LAMA1: variants seen among roughly 807,000 people sequenced by gnomAD.
LAMA1 encodes the protein laminin subunit alpha-1.
In LAMA1, 219 loss-of-function variants were observed where a neutral mutation model predicts 348.7. That is an observed-to-expected ratio of 0.63 (90% CI 0.56 to 0.70). The LOEUF (loss-of-function observed/expected upper bound fraction) is 0.70. Ranked by LOEUF, LAMA1 falls within the 30% of genes least tolerant of loss-of-function variation. LAMA1 has a pLI of 0.00. For synonymous variants in LAMA1, 1,487 were observed against 1,491.0 expected (o/e 1.00, Z 0.06); for missense variants, 3,744 against 3,888.0 (o/e 0.96, Z 0.99).
At chr18:7,037,455 T>C in intron 12 of LAMA1, 123 bp downstream of exon 12, 1 of 1,060,484 alleles carries the variant, frequency 9.4e-7, no homozygotes, top group Non-Finnish European at 1.5e-6. Flanking sequence ...GTACAGGCTA[T>C]GAAATGCTGT....
At chr18:7,039,855 T>C (rs1246144188) in intron 10 of LAMA1, among the ~76,000 whole-genome samples, 1 of 152,068 alleles carries the variant, frequency 6.6e-6, no homozygotes, top group East Asian at 1.9e-4. Context: ...CTGGAATATA[T>C]CACCATTACC....
At chr18:7,101,677 T>C (rs2058291752) in intron 1 of LAMA1, among the ~76,000 whole-genome samples, 1 of 152,152 alleles carries the variant, frequency 6.6e-6, no homozygotes, top group African/African-American at 2.4e-5. Context: ...ATTTATATTT[T>C]TATTTTTAGA....
At position 7,042,845 on chromosome 18, in the gene LAMA1, T is replaced by C. The variant is rs973957463; in HGVS notation, c.1155+382A>G. On this transcript the variant is annotated intron_variant, in intron 8 of 62. Coordinates refer to ENST00000389658, the MANE Select transcript of LAMA1 (RefSeq NM_005559.4). ...TTGCAGTGAGCCGAGATCGCACCAC[T>C]GCACTCCAGCCTGGCGACAGAGCGA... 2.6e-5 allele frequency: 6 copies of C among 230,316 alleles called. No individual in the cohort carries two copies. In the Admixed American group the frequency reaches 3.2e-4, roughly 12 times the overall value. The allele number at this position is 230,316 out of a possible 1,614,324, so 14.3% of individuals were successfully genotyped here.
At chr18:6,946,212 C>A (rs2057520766) in intron 61 of LAMA1, among the ~76,000 whole-genome samples, 1 of 151,962 alleles carries the variant, frequency 6.6e-6, no homozygotes, top group Admixed American at 6.6e-5. Flanking sequence ...TGTTGATATG[C>A]ACAACCACCC....
At chr18:6,948,218 C>G (rs1231865535) in intron 60 of LAMA1, among the ~76,000 whole-genome samples, 185 bp downstream of exon 60, 1 of 152,146 alleles carries the variant, frequency 6.6e-6, no homozygotes, top group Non-Finnish European at 1.5e-5. Context: ...GTCAGGCCAT[C>G]CAGATAGCAC....
chr18:7,063,782 T>C (rs1268494478), intron 3 of LAMA1, among the ~76,000 whole-genome samples: 1 of 152,172 alleles, frequency 6.6e-6, no homozygotes, highest in Non-Finnish European at 1.5e-5. Flanking sequence ...ATTCCACTTA[T>C]GTAAGCTTGA....
intron 3 of LAMA1, among the ~76,000 whole-genome samples, chr18:7,055,409 C>T (rs901844524): frequency 3.5e-5 from 5 of 144,214 alleles, no homozygotes; most frequent in African/African-American, 1.3e-4. Flanking sequence ...GCCAAGATCG[C>T]ACCACTGCAC....
At chr18:7,001,381 G>A (rs1476286216) in intron 30 of LAMA1, among the ~76,000 whole-genome samples, 3 of 152,112 alleles carry the variant, frequency 2.0e-5, no homozygotes. Flanking sequence ...ACACATGCAA[G>A]TATTTCTATA....
At chr18:7,074,967 CAAAAAAAAAAAAAAAAAAAAAA>C (rs773818069) in intron 3 of LAMA1, among the ~76,000 whole-genome samples, 6 of 52,258 alleles carry the variant, frequency 1.1e-4, no homozygotes, top group African/African-American at 2.9e-4. Flanking sequence ...TACATAGAGG[CAAAAAAAAAAAAAAAAAAAAAA>C]AAAAAAAAAA....
At chr18:7,014,451 G>A (rs188062461) in intron 22 of LAMA1, among the ~76,000 whole-genome samples, 57 of 152,126 alleles carry the variant, frequency 3.7e-4, no homozygotes, top group African/African-American at 9.6e-4. Context: ...TGAGACCCCC[G>A]TCTCTACAAA....
intron 49 of LAMA1, 47 bp from the exon 50 acceptor site, chr18:6,965,479 G>A (rs776260823): frequency 1.2e-6 from 2 of 1,608,588 alleles, no homozygotes; most frequent in Non-Finnish European, 1.7e-6. Flanking sequence ...TTTATCCCAG[G>A]TTTCCCTTTC....
At chr18:7,009,551 T>C (rs963599877) in intron 26 of LAMA1, among the ~76,000 whole-genome samples, 185 bp from the exon 27 acceptor site, 5 of 152,120 alleles carry the variant, frequency 3.3e-5, no homozygotes, top group Non-Finnish European at 7.4e-5. Context: ...AGTTCCATTA[T>C]CAATAGATAT....
chr18:7,068,120 T>C (rs1449373397), intron 3 of LAMA1, among the ~76,000 whole-genome samples: 2 of 152,206 alleles, frequency 1.3e-5, no homozygotes, highest in Non-Finnish European at 2.9e-5. Context: ...CCCAAAGTGC[T>C]GGGATTACAG....
chr18:6,983,626 C>A (rs1467715650), intron 39 of LAMA1, among the ~76,000 whole-genome samples: 6 of 152,214 alleles, frequency 3.9e-5, no homozygotes, highest in Non-Finnish European at 7.3e-5. Context: ...TACTTGGTAA[C>A]CTCCAAGAAG....
intron 34 of LAMA1, among the ~76,000 whole-genome samples, chr18:6,994,607 G>A (rs1318410567): frequency 6.6e-6 from 1 of 151,874 alleles, no homozygotes; most frequent in African/African-American, 2.4e-5. Flanking sequence ...GGTGATGTTT[G>A]TGTATGTGTG....
intron 59 of LAMA1, 114 bp downstream of exon 59, chr18:6,948,987 G>A: frequency 7.4e-7 from 1 of 1,355,900 alleles, no homozygotes; most frequent in Non-Finnish European, 1.0e-6. Context: ...CTCTTCACAA[G>A]CCCCAGGTTC....
chr18:6,967,153 T>C (rs915183843), intron 48 of LAMA1, among the ~76,000 whole-genome samples: 6 of 152,102 alleles, frequency 3.9e-5, no homozygotes, highest in African/African-American at 1.2e-4. Context: ...TTTCCATGGA[T>C]GATAAAAGAA....
intron 19 of LAMA1, among the ~76,000 whole-genome samples, chr18:7,022,657 A>T (rs1261165894): frequency 6.6e-6 from 1 of 152,158 alleles, no homozygotes; most frequent in African/African-American, 2.4e-5. Context: ...ACGATCCATA[A>T]TTTCAAGGAT....
At position 7,024,393 on chromosome 18, in the gene LAMA1, C is replaced by T. The variant is rs1318792808; in HGVS notation, c.2476G>A (p.Ala826Thr). ...CDWCAPGYSG[A>T]WCERCADGYY... Reference sequence around the variant, plus strand: ...GATGCAGAGTACCTCTCACACCAAGCTCCTGAGTAGCCCGGGGCACACCAG... The same window carrying T: ...GATGCAGAGTACCTCTCACACCAAGTTCCTGAGTAGCCCGGGGCACACCAG... The change falls in exon 18 of 63, where the codon GCT (alanine) becomes ACT (threonine). Residue 826 changes from alanine to threonine, a missense_variant. This residue lies in a region of LAMA1 where 1,529 missense variants were observed against 1,689.4 expected (regional missense o/e 0.91). Coordinates refer to ENST00000389658, the MANE Select transcript of LAMA1 (RefSeq NM_005559.4). 8 of 1,613,910 alleles carry T rather than the reference C, an allele frequency of 5.0e-6. No individual in the cohort carries two copies. The highest frequency in any genetic ancestry group is 6.8e-6 in the Non-Finnish European group (8 of 1,179,954).
Sources: allele counts gnomAD v4.1 joint callset (sites outside exome capture counted in the v4.1 genomes callset), GRCh38; gene constraint gnomAD v4.1.1; regional missense constraint gnomAD v4.1.1; transcripts MANE v1.5; gene names NCBI Gene and HGNC (gene_info 2026-07-23, HGNC 2026-07-21).